Variants in CREBRF observed in about 807,000 individuals in gnomAD.
CREBRF encodes the protein UPF0474 protein C5orf41.
In CREBRF, 5 loss-of-function variants were observed where a neutral mutation model predicts 66.1. The ratio of observed to expected loss-of-function variants is 0.08; its 90% CI spans 0.04 to 0.16. CREBRF has a LOEUF of 0.16. Ranked by LOEUF, CREBRF falls within the 10% of genes least tolerant of loss-of-function variation. The pLI is 1.00. For missense variants in CREBRF, 531 were observed against 744.9 expected (o/e 0.71, Z 3.34); for synonymous variants, 229 against 264.4 (o/e 0.87, Z 1.30).
chr5:173,097,876 T>C (rs2113751779), intron 4 of CREBRF, among the ~76,000 whole-genome samples: 1 of 152,270 alleles, frequency 6.6e-6, no homozygotes, highest in Middle Eastern at 3.4e-3. Context: ...AATTCATTTA[T>C]TTCTGCTCTG....
intron 1 of CREBRF, among the ~76,000 whole-genome samples, chr5:173,060,888 A>G (rs1757249304): frequency 6.6e-6 from 1 of 152,160 alleles, no homozygotes; most frequent in Admixed American, 6.5e-5. Flanking sequence ...TTTATTTACA[A>G]GGTCAGGCTG....
intron 1 of CREBRF, among the ~76,000 whole-genome samples, chr5:173,078,210 A>G (rs1158099967): frequency 1.3e-5 from 2 of 152,204 alleles, no homozygotes; most frequent in South Asian, 2.1e-4. Flanking sequence ...TATCCTTGCC[A>G]ATATTTGTTA....
rs1256974600 is a variant in CREBRF, at chr5:173,128,718, G to C, written c.1805-4912G>C. Among the ~76,000 whole-genome samples, 5 of 151,960 alleles carry C rather than the reference G, an allele frequency of 3.3e-5. No homozygotes were observed. In the East Asian group the frequency reaches 9.6e-4, roughly 29 times the overall value. Reference sequence around the variant, plus strand: ...GTTTCTAATCTTATTATTTATATTTGTTTGGTATTCCTTTGTCTACTCTTT... The same window carrying C: ...GTTTCTAATCTTATTATTTATATTTCTTTGGTATTCCTTTGTCTACTCTTT... On this transcript the variant is annotated intron_variant, in intron 8 of 8. Transcript: ENST00000296953.
intron 4 of CREBRF, among the ~76,000 whole-genome samples, chr5:173,105,614 G>C (rs1347253206): frequency 6.6e-6 from 1 of 151,700 alleles, no homozygotes; most frequent in African/African-American, 2.4e-5. Flanking sequence ...ATTACAGGTG[G>C]GCGCCACCAC....
chr5:173,068,683 T>G lies in CREBRF; in HGVS notation c.-191-11902T>G, dbSNP rs551762604. 2.0e-5 allele frequency among the ~76,000 whole-genome samples: 3 copies of G among 152,206 alleles called. No individual in the cohort carries two copies. In the South Asian group the frequency reaches 6.2e-4, roughly 32 times the overall value. On this transcript the variant is annotated intron_variant, in intron 1 of 8. Coordinates refer to ENST00000296953, the MANE Select transcript of CREBRF (RefSeq NM_153607.3). ...TAATTGACATACACCCTCATAAACC[T>G]GGGGGCAAGGGTGTTAAGTGTCGTG... is the stretch of plus-strand genomic sequence containing the variant.
At chr5:173,073,763 C>T (rs887525388) in intron 1 of CREBRF, among the ~76,000 whole-genome samples, 4 of 151,740 alleles carry the variant, frequency 2.6e-5, no homozygotes, top group Non-Finnish European at 4.4e-5. Flanking sequence ...GTCAGGAGAT[C>T]GAGACCATCC....
intron 8 of CREBRF, among the ~76,000 whole-genome samples, chr5:173,131,327 A>C (rs1392882490): frequency 6.6e-6 from 1 of 152,214 alleles, no homozygotes; most frequent in African/African-American, 2.4e-5. Context: ...CTAGTGCTTC[A>C]ACATTGATAT....
intron 2 of CREBRF, among the ~76,000 whole-genome samples, chr5:173,084,847 G>A (rs1419317004): frequency 6.6e-6 from 1 of 152,112 alleles, no homozygotes; most frequent in African/African-American, 2.4e-5. Flanking sequence ...GGGTTTCACT[G>A]TGTTAGCCAG....
chr5:173,072,556 G>A (rs1028253707), intron 1 of CREBRF, among the ~76,000 whole-genome samples: 5 of 151,142 alleles, frequency 3.3e-5, no homozygotes, highest in African/African-American at 7.3e-5. Flanking sequence ...GATTACAGGC[G>A]TGAGTCACTG....
At position 173,137,511 on chromosome 5, in the gene CREBRF, C is replaced by T. The variant is rs1295727648; in HGVS notation, c.*3766C>T. On this transcript the variant is annotated 3_prime_UTR_variant, in exon 9 of 9. Transcript: ENST00000296953. The stretch of plus-strand genomic sequence containing the variant: ...TTATTTGCTTCCTAGCAATAGTCTG[C>T]ATTTAAAGAAAGGTGTGTTCAATTC... 6.6e-6 allele frequency: 1 copy of T among 152,002 alleles called. No individual in the cohort carries two copies. The highest frequency in any genetic ancestry group is 1.5e-5 in the Non-Finnish European group (1 of 67,950). 9.4% of individuals were successfully genotyped at this position (152,002 alleles called of 1,614,324 possible). A position where few individuals can be genotyped will look rare whatever the true frequency, so the allele number is the denominator to read the frequency against.
intron 2 of CREBRF, chr5:173,085,413 C>CTTTTTTTTTTTTTT: frequency 1.4e-6 from 1 of 725,160 alleles, no homozygotes; most frequent in South Asian, 1.8e-5. Context: ...CAAATACATT[C>CTTTTTTTTTTTTTT]TTTTTTTTTT....
In CREBRF at chr5:173,060,723, C is replaced by CTT. The variant is rs756443330; in HGVS notation, c.-192+4258_-192+4259dup. Among the ~76,000 whole-genome samples the CTT allele has an allele frequency of 3.7e-5, 5 of 135,834 alleles. No individual in the cohort carries two copies. The East Asian group carries it at 8.4e-4, about 23-fold the overall frequency. The allele number at this position is 135,834 out of a possible 152,430, so 89.1% of individuals were successfully genotyped here. The stretch of plus-strand genomic sequence containing the variant: ...TTATTTTAAGACAAGGGTTGACAGA[C>CTT]TTTTTTTTTTTTTTTGGAACAGGAT... On this transcript the variant is annotated intron_variant, in intron 1 of 8. Coordinates refer to ENST00000296953, the MANE Select transcript of CREBRF (RefSeq NM_153607.3).
intron 1 of CREBRF, among the ~76,000 whole-genome samples, chr5:173,076,749 C>CAAA (rs1202344075): frequency 2.1e-4 from 19 of 92,386 alleles, no homozygotes; most frequent in East Asian, 3.3e-4. Flanking sequence ...CAGTCAGTCT[C>CAAA]AAAAAAAAAA....
At chr5:173,130,264 T>A (rs549000357) in intron 8 of CREBRF, among the ~76,000 whole-genome samples, 2 of 152,244 alleles carry the variant, frequency 1.3e-5, no homozygotes, top group South Asian at 4.1e-4. Flanking sequence ...TCTGCTAGAG[T>A]TTGTTTATGT....
intron 2 of CREBRF, among the ~76,000 whole-genome samples, chr5:173,083,080 T>G (rs770342157): frequency 2.7e-5 from 4 of 149,684 alleles, no homozygotes; most frequent in Non-Finnish European, 5.9e-5. Flanking sequence ...ATATAAAAAT[T>G]AGCTGGACGT....
chr5:173,056,598 G>A, intron 1 of CREBRF, 119 bp downstream of exon 1: 1 of 391,406 alleles, frequency 2.6e-6, no homozygotes, highest in Non-Finnish European at 4.5e-6. Context: ...GGGCCGGGCC[G>A]GCGCGGGGCG....
At chr5:173,073,277 T>C (rs924884730) in intron 1 of CREBRF, among the ~76,000 whole-genome samples, 2 of 152,224 alleles carry the variant, frequency 1.3e-5, no homozygotes, top group South Asian at 4.1e-4. Context: ...TATTTATTGA[T>C]GTAAAAAGGG....
chr5:173,112,906 C>G (rs946172723), intron 7 of CREBRF, among the ~76,000 whole-genome samples: 3 of 152,184 alleles, frequency 2.0e-5, no homozygotes, highest in Non-Finnish European at 1.5e-5. Flanking sequence ...TTAAAATACA[C>G]ATTTCTAGGC....
Position 173,083,934 on chromosome 5 carries a change from C to G in CREBRF, c.10-2567C>G, listed in dbSNP as rs143260016. Reference sequence around the variant, plus strand: ...ATTTCAAAGGTGCAATACTTTTCTTCATGTATCAGTGAAAGAAGTTAGAAA... The same window carrying G: ...ATTTCAAAGGTGCAATACTTTTCTTGATGTATCAGTGAAAGAAGTTAGAAA... On this transcript the variant is annotated intron_variant, in intron 2 of 8. Transcript: ENST00000296953. Among the ~76,000 whole-genome samples the G allele has an allele frequency of 2.6e-5, 4 of 152,156 alleles. No individual in the cohort carries two copies. In the East Asian group the frequency reaches 7.7e-4, roughly 29 times the overall value.
Sources: gnomAD v4.1 joint callset for allele counts (sites outside exome capture counted in the v4.1 genomes callset) on GRCh38, gnomAD v4.1.1 for gene constraint, MANE v1.5 for transcripts, NCBI Gene and HGNC (gene_info 2026-07-23, HGNC 2026-07-21) for gene names.